Variants in RANBP2 observed in about 807,000 individuals in gnomAD.
The protein encoded by RANBP2 is RAN binding protein 2.
Under a neutral mutation model 303.6 loss-of-function variants are expected in RANBP2, and 57 were observed. The observed-to-expected ratio is 0.19, with a 90% CI of 0.15 to 0.23. The LOEUF is 0.23. RANBP2 is among the 10% of genes least tolerant of loss of function. The pLI, the probability that RANBP2 is intolerant of heterozygous loss-of-function variation, is 1.00. For missense variants in RANBP2, 3,138 were observed against 3,780.8 expected, an observed-to-expected ratio of 0.83 and a Z score of 4.46; for synonymous variants, 1,167 against 1,301.5, an observed-to-expected ratio of 0.90 and a Z score of 2.23.
chr2:108,830,585 TC>T, the RANBP2 span, among the ~76,000 whole-genome samples: 6,408 of 151,650 alleles, frequency 0.042, 445 homozygotes, highest in African/African-American at 0.14. Context: ...GGCGGGCAGA[TC>T]ACCTGATGTC....
chr2:109,538,008 T>G, the RANBP2 span, among the ~76,000 whole-genome samples: 1 of 152,028 alleles, frequency 6.6e-6, no homozygotes, highest in Admixed American at 6.5e-5. Context: ...TATCTTATGG[T>G]TTTGGAGTTT....
chr2:108,776,185 C>T (rs1677879972), intron 24 of RANBP2, among the ~76,000 whole-genome samples: 1 of 152,032 alleles, frequency 6.6e-6, no homozygotes, highest in Admixed American at 6.5e-5. Flanking sequence ...ACCTATTTTC[C>T]TGAGTTTAAA....
the RANBP2 span, among the ~76,000 whole-genome samples, chr2:109,049,865 C>T: frequency 2.0e-5 from 3 of 152,188 alleles, no homozygotes; most frequent in African/African-American, 7.2e-5. Context: ...TCTTCATTTG[C>T]TCAGAATAAA....
the RANBP2 span, chr2:109,585,825 A>G: frequency 6.2e-7 from 1 of 1,608,312 alleles, no homozygotes; most frequent in Non-Finnish European, 8.5e-7. Context: ...CAACGAACGA[A>G]TGTTTTCTCT....
At chr2:108,877,636 G>T in the RANBP2 span, among the ~76,000 whole-genome samples, 1 of 152,182 alleles carries the variant, frequency 6.6e-6, no homozygotes, top group African/African-American at 2.4e-5. Context: ...CAGATACTAG[G>T]ACAGAGCCTG....
the RANBP2 span, among the ~76,000 whole-genome samples, chr2:109,634,506 C>G: frequency 6.6e-6 from 1 of 152,134 alleles, no homozygotes; most frequent in African/African-American, 2.4e-5. Context: ...GTGGAGCTTC[C>G]AGGACTTTCT....
At chr2:109,537,334 A>G in the RANBP2 span, among the ~76,000 whole-genome samples, 1 of 152,214 alleles carries the variant, frequency 6.6e-6, no homozygotes, top group Admixed American at 6.5e-5. Context: ...TAATGTTTGT[A>G]GTATGAATTA....
chr2:108,949,163 G>A, the RANBP2 span, among the ~76,000 whole-genome samples: 1 of 151,968 alleles, frequency 6.6e-6, no homozygotes, highest in South Asian at 2.1e-4. Flanking sequence ...GTAGTTTTTT[G>A]TAGAGATGGG....
the RANBP2 span, among the ~76,000 whole-genome samples, chr2:109,279,836 T>C: frequency 1.9e-4 from 29 of 151,410 alleles, no homozygotes; most frequent in Non-Finnish European, 2.7e-4. Context: ...GTGTGGGGGC[T>C]GGTGGGGCCT....
At chr2:108,831,699 A>T in the RANBP2 span, among the ~76,000 whole-genome samples, 15 of 51,546 alleles carry the variant, frequency 2.9e-4, no homozygotes, top group Non-Finnish European at 3.0e-4. Flanking sequence ...GTGGCACAGA[A>T]TCTTCCTTCC....
At chr2:108,800,717 G>A in the RANBP2 span, among the ~76,000 whole-genome samples, 3 of 111,020 alleles carry the variant, frequency 2.7e-5, no homozygotes, top group African/African-American at 1.1e-4. Flanking sequence ...ATGCTGGTGC[G>A]CTGCACCCAC....
At chr2:108,855,699 C>T in the RANBP2 span, among the ~76,000 whole-genome samples, 2 of 152,126 alleles carry the variant, frequency 1.3e-5, no homozygotes, top group African/African-American at 4.8e-5. Context: ...CTTACTTTCT[C>T]AAAATAGTTT....
chr2:108,866,958 G>A, the RANBP2 span, among the ~76,000 whole-genome samples: 1 of 151,742 alleles, frequency 6.6e-6, no homozygotes, highest in Non-Finnish European at 1.5e-5. Flanking sequence ...TATAAATAGT[G>A]CATTATATTG....
the RANBP2 span, among the ~76,000 whole-genome samples, chr2:108,830,777 C>T: frequency 6.6e-6 from 1 of 151,776 alleles, no homozygotes; most frequent in South Asian, 2.1e-4. Context: ...CATTGCACTC[C>T]AGCCTGGGCA....
At chr2:108,917,166 A>C in the RANBP2 span, among the ~76,000 whole-genome samples, 1 of 152,206 alleles carries the variant, frequency 6.6e-6, no homozygotes, top group African/African-American at 2.4e-5. Flanking sequence ...TGCTTGTGGC[A>C]AAAAAGGAAA....
At chr2:109,690,837 C>G in the RANBP2 span, among the ~76,000 whole-genome samples, 10,207 of 152,194 alleles carry the variant, frequency 0.067, 455 homozygotes, top group South Asian at 0.19. Flanking sequence ...TTTGTTTTTT[C>G]CCTTTGCCCC....
At chr2:108,901,453 G>A in the RANBP2 span, among the ~76,000 whole-genome samples, 1 of 151,716 alleles carries the variant, frequency 6.6e-6, no homozygotes, top group Admixed American at 6.6e-5. Flanking sequence ...GTACATAGAA[G>A]GAAATAAGTA....
intron 1 of RANBP2, among the ~76,000 whole-genome samples, chr2:108,723,283 CTTTT>C (rs796995748): frequency 7.0e-6 from 1 of 142,026 alleles, no homozygotes; most frequent in Non-Finnish European, 1.5e-5. Flanking sequence ...ATTTTCTTTT[CTTTT>C]TTTTTTTTTT....
At chr2:109,349,336 A>G in the RANBP2 span, among the ~76,000 whole-genome samples, 1 of 152,146 alleles carries the variant, frequency 6.6e-6, no homozygotes, top group Non-Finnish European at 1.5e-5. Flanking sequence ...CCTTTTATCA[A>G]GGTGTTCTGA....
Sources: gnomAD v4.1 joint callset for allele counts (sites outside exome capture counted in the v4.1 genomes callset) on GRCh38, gnomAD v4.1.1 for gene constraint, MANE v1.5 for transcripts, NCBI Gene and HGNC (gene_info 2026-07-23, HGNC 2026-07-21) for gene names.